Variants in SCYL2 observed in about 807,000 individuals in gnomAD.
The protein encoded by SCYL2 is SCY1-like protein 2.
SCYL2 carries 36 observed loss-of-function variants against 100.4 expected under a neutral mutation model. The ratio of observed to expected loss-of-function variants is 0.36; its 90% CI spans 0.27 to 0.47. The LOEUF (loss-of-function observed/expected upper bound fraction) is 0.47. Among genes scored for constraint, SCYL2 ranks in the 20% least tolerant of loss-of-function variants. The probability of loss-of-function intolerance (pLI) is 1.00; values close to 1 mark genes in which losing one functional copy is unlikely to be tolerated. For missense variants in SCYL2, 902 were observed against 1,083.9 expected (o/e 0.83, Z 2.36); for synonymous variants, 330 against 359.2 (o/e 0.92, Z 0.92).
Position 100,283,198 on chromosome 12 carries a change from A to G in SCYL2, c.177+51A>G, listed in dbSNP as rs569616185. On this transcript the variant is annotated intron_variant, in intron 2 of 17. Transcript: ENST00000360820. Reference sequence around the variant, plus strand: ...GGAAAAAACCCACATGCTAAGAACCATAAAATGCATGTGTGCATTTTTATG... The same window carrying G: ...GGAAAAAACCCACATGCTAAGAACCGTAAAATGCATGTGTGCATTTTTATG... 1.5e-5 allele frequency: 21 copies of G among 1,447,778 alleles called. No homozygotes were observed. The East Asian group carries it at 4.5e-4, about 31-fold the overall frequency. 89.7% of individuals were successfully genotyped at this position (1,447,778 alleles called of 1,614,324 possible).
chr12:100,326,864 G>T (rs761846463), intron 12 of SCYL2, 110 bp downstream of exon 12: 10 of 851,656 alleles, frequency 1.2e-5, no homozygotes, highest in Non-Finnish European at 1.8e-5. Flanking sequence ...CATAATTGAA[G>T]AATGATGTGA....
At chr12:100,330,395 G>A (rs1160151594) in intron 13 of SCYL2, among the ~76,000 whole-genome samples, 1 of 152,164 alleles carries the variant, frequency 6.6e-6, no homozygotes, top group Non-Finnish European at 1.5e-5. Flanking sequence ...TTATGTGACT[G>A]ATTCTTCCTG....
At chr12:100,337,673 C>G (rs932157661) in intron 17 of SCYL2, among the ~76,000 whole-genome samples, 167 bp downstream of exon 17, 1 of 152,090 alleles carries the variant, frequency 6.6e-6, no homozygotes, top group Non-Finnish European at 1.5e-5. Context: ...TCAGCTATAA[C>G]CTGCCTAATG....
intron 12 of SCYL2, among the ~76,000 whole-genome samples, chr12:100,327,714 T>A (rs944159623): frequency 6.6e-6 from 1 of 151,970 alleles, no homozygotes. Context: ...CAGGGTTTCA[T>A]CATCTTGGCC....
chr12:100,309,469 G>A (rs182430950), intron 4 of SCYL2, among the ~76,000 whole-genome samples: 182 of 152,242 alleles, frequency 1.2e-3, no homozygotes, highest in African/African-American at 4.3e-3. Flanking sequence ...TCGTGTAAGT[G>A]GAATCATACA....
intron 4 of SCYL2, among the ~76,000 whole-genome samples, chr12:100,305,403 T>C (rs2096333031): frequency 6.6e-6 from 1 of 152,198 alleles, no homozygotes; most frequent in Admixed American, 6.5e-5. Context: ...CCTGAATGAC[T>C]ACTGGGTAAA....
At chr12:100,303,795 A>G (rs1288856203) in intron 4 of SCYL2, among the ~76,000 whole-genome samples, 1 of 152,190 alleles carries the variant, frequency 6.6e-6, no homozygotes, top group Non-Finnish European at 1.5e-5. Context: ...CTGTGCTGGG[A>G]GATCCGCTGC....
At chr12:100,304,478 A>C (rs1401010619) in intron 4 of SCYL2, among the ~76,000 whole-genome samples, 1 of 152,132 alleles carries the variant, frequency 6.6e-6, no homozygotes, top group Non-Finnish European at 1.5e-5. Context: ...CTCATGGGAC[A>C]TACAGTCTCT....
At chr12:100,274,567 C>G (rs533889353) in intron 1 of SCYL2, among the ~76,000 whole-genome samples, 5 of 152,266 alleles carry the variant, frequency 3.3e-5, no homozygotes, top group Admixed American at 1.3e-4. Context: ...CTTCCTTGTG[C>G]TTTACTCTTA....
chr12:100,315,307 T>C (rs1263627956), intron 8 of SCYL2, among the ~76,000 whole-genome samples: 1 of 152,188 alleles, frequency 6.6e-6, no homozygotes, highest in Non-Finnish European at 1.5e-5. Flanking sequence ...TGGAGACTAA[T>C]TAGGGTAAGT....
chr12:100,314,117 A>G (rs1719600266), intron 7 of SCYL2, among the ~76,000 whole-genome samples: 1 of 152,198 alleles, frequency 6.6e-6, no homozygotes, highest in Non-Finnish European at 1.5e-5. Context: ...ACCTCAGGTG[A>G]TCTGCCTACC....
intron 9 of SCYL2, among the ~76,000 whole-genome samples, chr12:100,316,234 T>G (rs2096348556): frequency 6.6e-6 from 1 of 152,210 alleles, no homozygotes; most frequent in Non-Finnish European, 1.5e-5. Context: ...GTATATGTAT[T>G]GTAAGTGAAA....
At chr12:100,274,356 A>G (rs1396332999) in intron 1 of SCYL2, among the ~76,000 whole-genome samples, 4 of 152,186 alleles carry the variant, frequency 2.6e-5, no homozygotes, top group Non-Finnish European at 5.9e-5. Context: ...TCTAATTTCT[A>G]AATTGTCGTA....
chr12:100,294,741 G>A (rs1439542398), intron 3 of SCYL2, among the ~76,000 whole-genome samples: 2 of 133,032 alleles, frequency 1.5e-5, no homozygotes, highest in East Asian at 2.5e-4. Context: ...CTGGCCGGGT[G>A]GGGGGCTGAC....
chr12:100,312,660 G>A lies in SCYL2; in HGVS notation c.852+7G>A, dbSNP rs1172620319. ...CAGTAGGCAGTTGGATCAGGTATTT[G>A]CCTATAAATAATTTGCTTGCATTAA... is the stretch of plus-strand genomic sequence containing the variant. On this transcript the variant is annotated splice_region_variant and intron_variant, in intron 6 of 17. Coordinates refer to ENST00000360820, the MANE Select transcript of SCYL2 (RefSeq NM_017988.6). 4 of 1,585,850 alleles carry A rather than the reference G, an allele frequency of 2.5e-6. No individual in the cohort carries two copies. The highest frequency in any genetic ancestry group is 2.7e-5 in the African/African-American group (2 of 73,568).
At chr12:100,300,379 G>A (rs1217799412) in intron 4 of SCYL2, among the ~76,000 whole-genome samples, 3 of 151,830 alleles carry the variant, frequency 2.0e-5, no homozygotes, top group Non-Finnish European at 4.4e-5. Flanking sequence ...TGGGTACATA[G>A]TAGGTATATA....
chr12:100,330,199 C>T (rs1371388082), intron 13 of SCYL2, among the ~76,000 whole-genome samples: 1 of 152,030 alleles, frequency 6.6e-6, no homozygotes, highest in Admixed American at 6.6e-5. Context: ...ATATATAATA[C>T]AGTAGGAGAA....
At chr12:100,298,330 G>T (rs1428750973) in intron 4 of SCYL2, among the ~76,000 whole-genome samples, 155 bp downstream of exon 4, 1 of 152,028 alleles carries the variant, frequency 6.6e-6, no homozygotes, top group African/African-American at 2.4e-5. Context: ...AATTTTTTCT[G>T]CAGTTTGTTG....
intron 5 of SCYL2, 104 bp downstream of exon 5, chr12:100,311,297 T>C (rs760256703): frequency 4.6e-6 from 5 of 1,096,830 alleles, no homozygotes; most frequent in Non-Finnish European, 6.1e-6. Flanking sequence ...TGTTTAGATA[T>C]ACAGCTTTAT....
Sources: gnomAD v4.1 joint callset for allele counts (sites outside exome capture counted in the v4.1 genomes callset) on GRCh38, gnomAD v4.1.1 for gene constraint, MANE v1.5 for transcripts, NCBI Gene and HGNC (gene_info 2026-07-23, HGNC 2026-07-21) for gene names.